Variants in CCNI2 observed in about 807,000 individuals in gnomAD.
CCNI2 encodes cyclin-I2.
In CCNI2, 32 loss-of-function variants were observed where a neutral mutation model predicts 33.2. The ratio of observed to expected loss-of-function variants is 0.96; its 90% CI spans 0.73 to 1.30. The LOEUF (loss-of-function observed/expected upper bound fraction) is 1.30, where lower values mean the gene tolerates loss of function less well. CCNI2 is among the 50% of genes most tolerant of loss of function. The probability of loss-of-function intolerance (pLI) is 0.00; values close to 1 mark genes in which losing one functional copy is unlikely to be tolerated. For synonymous variants in CCNI2, 231 were observed against 219.9 expected, an observed-to-expected ratio of 1.05 and a Z score of -0.45; for missense variants, 452 against 486.2, an observed-to-expected ratio of 0.93 and a Z score of 0.66.
At chr5:132,751,693 G>A (rs1754854004) in intron 4 of CCNI2, 4 of 537,456 alleles carry the variant, frequency 7.4e-6, no homozygotes, top group Non-Finnish European at 1.3e-5. Context: ...CTATTTTTCA[G>A]AATGGAAACA....
rs1443720298 is a variant in CCNI2, at chr5:132,753,016, T to G, written c.*46T>G. ...GGCTTTCAGAGCATAGTGTGAAACC[T>G]CCTTGCTTGGACTACCATGAGTTCT... On this transcript the variant is annotated 3_prime_UTR_variant, in exon 6 of 6. Transcript: ENST00000378731. The G allele has an allele frequency of 3.4e-6, 5 of 1,454,960 alleles. No individual in the cohort carries two copies. In the East Asian group the frequency reaches 6.8e-5, roughly 20 times the overall value. The allele number at this position is 1,454,960 out of a possible 1,614,324, so 90.1% of individuals were successfully genotyped here.
chr5:132,748,324 C>T (rs1754671846), intron 1 of CCNI2, 23 bp from the exon 2 acceptor site: 1 of 1,613,410 alleles, frequency 6.2e-7, no homozygotes, highest in African/African-American at 1.3e-5. Flanking sequence ...CTTCCTCGCC[C>T]CACCTGCTCT....
chr5:132,754,887 A>T (rs1005660334), downstream of CCNI2, among the ~76,000 whole-genome samples: 2 of 152,180 alleles, frequency 1.3e-5, no homozygotes, highest in African/African-American at 2.4e-5. Context: ...AGATGGAAAA[A>T]GCTCAGAGGC....
chr5:132,750,897 C>CT lies in CCNI2; in HGVS notation c.675dup (p.Asp226Ter). The CT allele has an allele frequency of 6.2e-7, 1 of 1,614,272 alleles. No individual in the cohort carries two copies. The highest frequency in any genetic ancestry group is 8.5e-7 in the Non-Finnish European group (1 of 1,180,042). On this transcript the variant is annotated frameshift_variant, in exon 4 of 6. Coordinates refer to ENST00000378731, the MANE Select transcript of CCNI2 (RefSeq NM_001039780.4). LOFTEE classifies it high-confidence loss of function. ...AAAGACTTCACAAAGCACTATGGCT[C>CT]TGACTATTCCCCGAATGAGCTGCTG...
At position 132,747,574 on chromosome 5, in the gene CCNI2, G is replaced by A. The variant is rs1316407690; in HGVS notation, c.79G>A (p.Gly27Ser). Residue 27 changes from glycine (G) to serine (S), a missense_variant, in exon 1 of 6, where the codon GGC becomes AGC. Gly to Ser is a moderately conservative substitution (Grantham distance 56). Transcript: ENST00000378731. The surrounding 1 kb of genome is among the most constrained non-coding windows in gnomAD (Gnocchi z 4.1). ...SAVQSPGGRP[G>S]AGLEETALGV... ...CGTCCAGAGCCCAGGCGGGCGTCCC[G>A]GCGCCGGTCTGGAGGAAACAGCCCT... 5 of 1,494,780 alleles carry A rather than the reference G, an allele frequency of 3.3e-6. No individual in the cohort carries two copies. In the East Asian group the frequency reaches 1.1e-4, roughly 34 times the overall value. 92.6% of individuals were successfully genotyped at this position (1,494,780 alleles called of 1,614,324 possible). A position where few individuals can be genotyped will look rare whatever the true frequency, so the allele number is the denominator to read the frequency against.
At chr5:132,751,038 T>G (rs2149937318) in intron 4 of CCNI2, 41 bp downstream of exon 4, 1 of 1,603,412 alleles carries the variant, frequency 6.2e-7, no homozygotes. Context: ...CTAAACTCGT[T>G]TGTGCCTTTG....
Position 132,751,093 on chromosome 5 carries a change from A to C in CCNI2, c.774+96A>C, listed in dbSNP as rs1303541741. 4 of 1,385,126 alleles carry C rather than the reference A, an allele frequency of 2.9e-6. No homozygotes were observed. In the African/African-American group the frequency reaches 5.7e-5, roughly 20 times the overall value. 85.8% of individuals were successfully genotyped at this position (1,385,126 alleles called of 1,614,324 possible). On this transcript the variant is annotated intron_variant, in intron 4 of 5. Coordinates refer to ENST00000378731, the MANE Select transcript of CCNI2 (RefSeq NM_001039780.4). ...GGGATGGCAAAGCACAGGCGTGCAC[A>C]CGCCCTTGCACATGCACCACAGTGA...
Position 132,750,886 on chromosome 5 carries a change from G to A in CCNI2, c.663G>A (p.Lys221=). 2 of 1,614,200 alleles carry A rather than the reference G, an allele frequency of 1.2e-6. No homozygotes were observed. The highest frequency in any genetic ancestry group is 1.7e-6 in the Non-Finnish European group (2 of 1,180,030). The change falls in exon 4 of 6, where the codon AAG becomes AAA. Residue 221 remains lysine, a synonymous_variant. Coordinates refer to ENST00000378731, the MANE Select transcript of CCNI2 (RefSeq NM_001039780.4). ...TTCCACAAGTAAAAGACTTCACAAA[G>A]CACTATGGCTCTGACTATTCCCCGA... is the stretch of plus-strand genomic sequence containing the variant. ...EFIPQVKDFT[K]HYGSDYSPNE...
In CCNI2 at chr5:132,747,904, T is replaced by A. The variant is rs1286092751; in HGVS notation, c.409T>A (p.Trp137Arg). ...GGCCCAGGACCGCGAGGCGCGCCTG[T>A]GGCGGGGCGGCAAACCCCAGGTACC... ...QLAQDREARL[W>R]RGGKPQDEIC... Residue 137 changes from tryptophan to arginine, a missense_variant, in exon 1 of 6, where the codon TGG becomes AGG. Transcript: ENST00000378731. The surrounding 1 kb of genome is among the most constrained non-coding windows in gnomAD (Gnocchi z 4.1). 2.2e-6 allele frequency: 3 copies of A among 1,388,594 alleles called. No homozygotes were observed. The allele number at this position is 1,388,594 out of a possible 1,614,324, so 86.0% of individuals were successfully genotyped here.
In CCNI2 at chr5:132,750,281, A is replaced by G. The variant is rs908299482; in HGVS notation, c.634-576A>G. Among the ~76,000 whole-genome samples, 22 of 152,238 alleles carry G rather than the reference A, an allele frequency of 1.4e-4. No homozygotes were observed. The East Asian group carries it at 3.3e-3, about 23-fold the overall frequency. Reference sequence around the variant, plus strand: ...GGATCAAGCCTTTAATGTACTTGGTACTCAAATGTTTACTCATAGACAAGC... The same window carrying G: ...GGATCAAGCCTTTAATGTACTTGGTGCTCAAATGTTTACTCATAGACAAGC... On this transcript the variant is annotated intron_variant, in intron 3 of 5. Transcript: ENST00000378731.
At chr5:132,752,583 G>C (rs552016369) in intron 5 of CCNI2, among the ~76,000 whole-genome samples, 1 of 152,126 alleles carries the variant, frequency 6.6e-6, no homozygotes, top group East Asian at 1.9e-4. Context: ...TGTGGTACCA[G>C]GTACAGGGGT....
intron 1 of CCNI2, 74 bp from the exon 2 acceptor site, chr5:132,748,273 A>G (rs1461619299): frequency 6.3e-7 from 1 of 1,579,288 alleles, no homozygotes; most frequent in Non-Finnish European, 8.6e-7. Context: ...CTTAAGCAGG[A>G]GGCTCCTGCT....
downstream of CCNI2, chr5:132,754,525 G>A (rs1457397066): frequency 1.4e-6 from 1 of 717,354 alleles, no homozygotes; most frequent in Non-Finnish European, 2.6e-6. Context: ...AAACCTCTTG[G>A]AGAAAGCAGA....
In CCNI2 at chr5:132,751,992, G is replaced by A. The variant is rs78904826; in HGVS notation, c.801G>A (p.Trp267Ter). 5.0e-6 allele frequency: 8 copies of A among 1,611,854 alleles called. No homozygotes were observed. Among genetic ancestry groups the A allele is most frequent in the Admixed American group, 1.7e-5 (1 of 59,832 alleles). ...TCCATGCCCTGGTGGTCCTGAGCTGGCCCCATGTGTTGGAGCTGCTGCCTC... is the reference window on the plus strand; with the variant it reads ...TCCATGCCCTGGTGGTCCTGAGCTGACCCCATGTGTTGGAGCTGCTGCCTC... ...TIFHALVVLS[W>*]PHVLELLPQR... is the part of the protein sequence containing the mutation. Residue 267 changes from tryptophan (W) to a stop codon, truncating the protein, a stop_gained, in exon 5 of 6, where the codon TGG becomes TGA. Coordinates refer to ENST00000378731, the MANE Select transcript of CCNI2 (RefSeq NM_001039780.4). LOFTEE classifies it high-confidence loss of function.
chr5:132,747,501 C>T lies in CCNI2; in HGVS notation c.6C>T (p.Ala2=). 1.4e-6 allele frequency: 2 copies of T among 1,479,158 alleles called. No homozygotes were observed. The highest frequency in any genetic ancestry group is 2.9e-5 in the East Asian group (1 of 34,718). 91.6% of individuals were successfully genotyped at this position (1,479,158 alleles called of 1,614,324 possible). A position where few individuals can be genotyped will look rare whatever the true frequency, so the allele number is the denominator to read the frequency against. ...CTCAGGATCCCGCTCACGACATGGCCTCGGGCGCTCAGCTCCCGCCGCAGC... is the reference window on the plus strand; with the variant it reads ...CTCAGGATCCCGCTCACGACATGGCTTCGGGCGCTCAGCTCCCGCCGCAGC... The part of the protein sequence containing the change: M[A]SGAQLPPQPS... The change falls in exon 1 of 6, where the codon GCC becomes GCT. Residue 2 remains alanine, a synonymous_variant. Coordinates refer to ENST00000378731, the MANE Select transcript of CCNI2 (RefSeq NM_001039780.4). This position sits in a 1 kb window ranked among gnomAD's most constrained non-coding sequence, Gnocchi z 4.1.
intron 3 of CCNI2, 54 bp from the exon 4 acceptor site, chr5:132,750,803 A>C (rs2149936653): frequency 6.3e-7 from 1 of 1,581,324 alleles, no homozygotes; most frequent in Non-Finnish European, 8.6e-7. Flanking sequence ...GTAAGAAAAC[A>C]AAAGCTACTA....
chr5:132,749,881 C>T (rs978025903), intron 3 of CCNI2, among the ~76,000 whole-genome samples: 1 of 152,094 alleles, frequency 6.6e-6, no homozygotes, highest in African/African-American at 2.4e-5. Flanking sequence ...ACAGGAGGGC[C>T]ATGTGCTGGG....
Position 132,754,367 on chromosome 5 carries a change from G to A in CCNI2, c.*1397G>A. 1.4e-6 allele frequency: 1 copy of A among 716,762 alleles called. No individual in the cohort carries two copies. Among genetic ancestry groups the A allele is most frequent in the East Asian group, 2.7e-5 (1 of 37,290 alleles). The allele number at this position is 716,762 out of a possible 1,614,324, so 44.4% of individuals were successfully genotyped here. A position where few individuals can be genotyped will look rare whatever the true frequency, so the allele number is the denominator to read the frequency against. On this transcript the variant is annotated 3_prime_UTR_variant, in exon 6 of 6. Transcript: ENST00000378731. ...CTCTGCCTCCTTCCTTCCAGTGTAA[G>A]TGGGACCACAGTGCATGAGGCAGAA...
chr5:132,751,571 A>G, intron 4 of CCNI2: 1 of 261,488 alleles, frequency 3.8e-6, no homozygotes, highest in South Asian at 6.1e-5. Flanking sequence ...TTAAATTACT[A>G]AAGACTGTTT....
Sources: allele counts gnomAD v4.1 joint callset (sites outside exome capture counted in the v4.1 genomes callset), GRCh38; gene constraint gnomAD v4.1.1; non-coding constraint Gnocchi (gnomAD v3.1); transcripts MANE v1.5; gene names NCBI Gene and HGNC (gene_info 2026-07-23, HGNC 2026-07-21).